EHMT1: variants seen among roughly 807,000 people sequenced by gnomAD.
EHMT1 encodes the protein euchromatic histone lysine methyltransferase 1.
Under a neutral mutation model 147.2 loss-of-function variants are expected in EHMT1, and 15 were observed. That is an observed-to-expected ratio of 0.10 (90% confidence interval 0.07 to 0.16). The LOEUF (loss-of-function observed/expected upper bound fraction) is 0.16. Among genes scored for constraint, EHMT1 ranks in the 10% least tolerant of loss-of-function variants. The pLI is 1.00. For missense variants in EHMT1, 1,587 were observed against 1,772.4 expected (o/e 0.90, Z 1.88); for synonymous variants, 795 against 709.6 (o/e 1.12, Z -1.91).
chr9:137,684,454 C>T (rs192104816), intron 1 of EHMT1, among the ~76,000 whole-genome samples: 3 of 152,074 alleles, frequency 2.0e-5, no homozygotes, highest in Admixed American at 6.6e-5. Context: ...AATACATTAG[C>T]GTGTATTTCC....
chr9:137,805,373 C>T (rs920413371), intron 18 of EHMT1, among the ~76,000 whole-genome samples: 9 of 151,780 alleles, frequency 5.9e-5, no homozygotes, highest in East Asian at 1.9e-4. Flanking sequence ...ATCAGTCATC[C>T]GCATGTGTGA....
intron 1 of EHMT1, chr9:137,675,360 G>A (rs1440981196): frequency 6.6e-6 from 1 of 152,144 alleles, no homozygotes; most frequent in Non-Finnish European, 1.5e-5. Context: ...AGGTAGCGGT[G>A]GAATTTGATG....
At chr9:137,721,569 TCCTCTC>T (rs1480044908) in intron 3 of EHMT1, among the ~76,000 whole-genome samples, 60 of 87,776 alleles carry the variant, frequency 6.8e-4, no homozygotes, top group African/African-American at 2.7e-3. Flanking sequence ...ACGCCTCTCA[TCCTCTC>T]CCTCTCCCAC....
chr9:137,763,000 A>C, intron 10 of EHMT1, 180 bp downstream of exon 10: 1 of 777,238 alleles, frequency 1.3e-6, no homozygotes, highest in Non-Finnish European at 2.2e-6. Flanking sequence ...CAGATGATGA[A>C]ACACAGGTCT....
At position 137,787,204 on chromosome 9, in the gene EHMT1, T is replaced by C. The variant is rs2137004886; in HGVS notation, c.2383-3644T>C. The C allele has an allele frequency of 6.6e-6, 1 of 152,574 alleles. No homozygotes were observed. Among genetic ancestry groups the C allele is most frequent in the South Asian group, 2.1e-4 (1 of 4,846 alleles). The allele number at this position is 152,574 out of a possible 1,614,324, so 9.5% of individuals were successfully genotyped here. On this transcript the variant is annotated intron_variant, in intron 15 of 26. Coordinates refer to ENST00000460843, the MANE Select transcript of EHMT1 (RefSeq NM_024757.5). This position sits in a 1 kb window ranked among gnomAD's most constrained non-coding sequence, Gnocchi z 4.2. The stretch of plus-strand genomic sequence containing the variant: ...TTTTCATCGGTCTGCTCTTCTGTCA[T>C]CTCTCATTAAAAAAAAATGTTGTAA...
chr9:137,739,355 C>T (rs1347371069), intron 4 of EHMT1, among the ~76,000 whole-genome samples: 2 of 94,520 alleles, frequency 2.1e-5, no homozygotes, highest in South Asian at 7.5e-4. Flanking sequence ...GACTCAGTCT[C>T]AAAAAAAAAA....
chr9:137,651,874 A>T (rs1937870432), intron 1 of EHMT1, among the ~76,000 whole-genome samples: 1 of 152,202 alleles, frequency 6.6e-6, no homozygotes, highest in Non-Finnish European at 1.5e-5. Context: ...AATAGGCATT[A>T]TGTGTCCTGC....
intron 4 of EHMT1, among the ~76,000 whole-genome samples, chr9:137,741,105 T>C (rs1948031895): frequency 6.6e-6 from 1 of 151,860 alleles, no homozygotes; most frequent in African/African-American, 2.4e-5. Flanking sequence ...GCCTCCCGAG[T>C]AGCTGGGACT....
Position 137,779,478 on chromosome 9 carries a change from G to A in EHMT1, c.2193-157G>A, listed in dbSNP as rs138751797. Among the ~76,000 whole-genome samples the A allele has an allele frequency of 7.1e-4, 108 of 152,306 alleles. 1 individual carries two copies. The highest frequency in any genetic ancestry group is 2.4e-3 in the African/African-American group (99 of 41,584). The stretch of plus-strand genomic sequence containing the variant: ...GAGCTTGTGGGGCTGGTGGGCAGAC[G>A]TCTGCCGGGCCTTCCAGCCTTCAGC... On this transcript the variant is annotated intron_variant, in intron 13 of 26. Transcript: ENST00000460843.
At chr9:137,774,598 C>T (rs1444245519) in intron 10 of EHMT1, among the ~76,000 whole-genome samples, 1 of 108,958 alleles carries the variant, frequency 9.2e-6, no homozygotes, top group Admixed American at 9.6e-5. Flanking sequence ...TGGGTATGGT[C>T]GCGCCTGGCC....
intron 2 of EHMT1, among the ~76,000 whole-genome samples, chr9:137,711,451 T>C (rs1055835497): frequency 2.0e-5 from 3 of 152,114 alleles, no homozygotes; most frequent in African/African-American, 4.8e-5. Flanking sequence ...GCACACAGCA[T>C]GACTGACGCC....
At chr9:137,631,556 C>G (rs1243984698) in intron 1 of EHMT1, among the ~76,000 whole-genome samples, 2 of 152,008 alleles carry the variant, frequency 1.3e-5, no homozygotes, top group Non-Finnish European at 2.9e-5. Context: ...CCGTGGCAGA[C>G]CACATACATG....
intron 1 of EHMT1, among the ~76,000 whole-genome samples, chr9:137,632,111 G>A (rs371210412): frequency 1.6e-4 from 24 of 152,214 alleles, no homozygotes; most frequent in East Asian, 5.8e-4. Flanking sequence ...ACTCTTTGAC[G>A]TTTGCACAGT....
chr9:137,760,962 G>C (rs978248858), intron 9 of EHMT1, among the ~76,000 whole-genome samples: 1 of 152,178 alleles, frequency 6.6e-6, no homozygotes, highest in Admixed American at 6.5e-5. Flanking sequence ...AGCTGAGATC[G>C]CACCACTGCA....
At chr9:137,670,740 C>T (rs966598570) in intron 1 of EHMT1, among the ~76,000 whole-genome samples, 5 of 152,340 alleles carry the variant, frequency 3.3e-5, no homozygotes, top group Admixed American at 2.0e-4. Context: ...CCTGTCTGCG[C>T]GTCTTCCTCG....
In EHMT1 at chr9:137,834,807, G is replaced by A; in HGVS notation, c.3751G>A (p.Gly1251Ser). 6.2e-7 allele frequency: 1 copy of A among 1,612,942 alleles called. No homozygotes were observed. Among genetic ancestry groups the A allele is most frequent in the Non-Finnish European group, 8.5e-7 (1 of 1,179,720 alleles). ...TGGAGAGCGCTTCTGGGACATCAAA[G>A]GCAAGCTCTTCAGCTGCCGCTGCGG... ...DYGERFWDIK[G>S]KLFSCRCGSP... Residue 1251 changes from glycine to serine, a missense_variant, in exon 27 of 27, where the codon GGC becomes AGC. Transcript: ENST00000460843.
intron 10 of EHMT1, among the ~76,000 whole-genome samples, chr9:137,766,079 G>A (rs1950198944): frequency 1.3e-5 from 2 of 152,048 alleles, no homozygotes; most frequent in African/African-American, 4.8e-5. Flanking sequence ...GCAACATGAT[G>A]AAACCCCATC....
intron 1 of EHMT1, among the ~76,000 whole-genome samples, chr9:137,672,513 A>G (rs1940792537): frequency 7.7e-6 from 1 of 130,328 alleles, no homozygotes; most frequent in Non-Finnish European, 1.6e-5. Flanking sequence ...CCATTCTGGC[A>G]ACTCGTGGAC....
chr9:137,730,723 C>T (rs1947035377), intron 4 of EHMT1, among the ~76,000 whole-genome samples: 1 of 152,236 alleles, frequency 6.6e-6, no homozygotes, highest in Non-Finnish European at 1.5e-5. Context: ...TAGGCTGGTT[C>T]TGAGTCCTGG....
Sources: allele counts gnomAD v4.1 joint callset (sites outside exome capture counted in the v4.1 genomes callset), GRCh38; gene constraint gnomAD v4.1.1; non-coding constraint Gnocchi (gnomAD v3.1); transcripts MANE v1.5; gene names NCBI Gene and HGNC (gene_info 2026-07-23, HGNC 2026-07-21).